The following SEM1 variants were observed in gnomAD, a reference collection of about 807,000 sequenced individuals.
SEM1 encodes the protein SEM1 26S proteasome subunit, also known as 26S proteasome complex subunit SEM1.
Under a neutral mutation model 12.7 loss-of-function variants are expected in SEM1, and 3 were observed. That is an observed-to-expected ratio of 0.24 (90% CI 0.11 to 0.61). SEM1 has a LOEUF of 0.61. Ranked by LOEUF, SEM1 falls within the 20% of genes least tolerant of loss-of-function variation. The pLI, the probability that SEM1 is intolerant of heterozygous loss-of-function variation, is 0.88. For missense variants in SEM1, 59 were observed against 81.3 expected, an observed-to-expected ratio of 0.73 and a Z score of 1.06; for synonymous variants, 30 against 27.8, an observed-to-expected ratio of 1.08 and a Z score of -0.25.
chr7:96,664,346 T>C (rs1466648572), intron 2 of SEM1: 1 of 152,238 alleles, frequency 6.6e-6, no homozygotes, highest in African/African-American at 2.4e-5. Flanking sequence ...TTTGAGGTTG[T>C]AGGACTGAGT....
intron 2 of SEM1, among the ~76,000 whole-genome samples, chr7:96,585,068 TC>T (rs771763998): frequency 9.2e-5 from 14 of 152,094 alleles, no homozygotes; most frequent in Non-Finnish European, 1.5e-4. Flanking sequence ...TTCCAGTTTT[TC>T]TGCTCTGTTT....
intron 2 of SEM1, chr7:96,673,882 G>C (rs1172386738): frequency 1.3e-6 from 1 of 763,896 alleles, no homozygotes; most frequent in East Asian, 2.4e-5. Flanking sequence ...CTTTGTGTAA[G>C]CAAACTTTTA....
chr7:96,616,129 A>G (rs915103849), intron 2 of SEM1, among the ~76,000 whole-genome samples: 1 of 152,112 alleles, frequency 6.6e-6, no homozygotes, highest in African/African-American at 2.4e-5. Context: ...ACTATTTTCC[A>G]TAGAGATTGT....
rs141603832 is a variant in SEM1, at chr7:96,563,804, A to T, written c.171-57106T>A. Among the ~76,000 whole-genome samples the T allele has an allele frequency of 5.5e-3, 836 of 152,260 alleles. 34 individuals carry two copies. Among genetic ancestry groups the T allele is most frequent in the Admixed American group, 0.047 (722 of 15,282 alleles). On this transcript the variant is annotated intron_variant and NMD_transcript_variant, in intron 2 of 3. Coordinates refer to the SEM1 transcript ENST00000466986. ...GAAAAAACTTCAAACAAAAATTCAA[A>T]CTGTTAATACTCACCTTCTTGTATA... is the stretch of plus-strand genomic sequence containing the variant.
At chr7:96,647,756 A>G (rs1316493446) in intron 2 of SEM1, among the ~76,000 whole-genome samples, 2 of 152,240 alleles carry the variant, frequency 1.3e-5, no homozygotes, top group Non-Finnish European at 2.9e-5. Flanking sequence ...ATAGCCAAAG[A>G]CAACCTGAAA....
intron 1 of SEM1, chr7:96,695,834 G>C (rs1301249518): frequency 1.3e-5 from 2 of 151,694 alleles, no homozygotes; most frequent in Non-Finnish European, 3.0e-5. Context: ...ATCTGCATTG[G>C]TCCCTAAAAA....
chr7:96,625,073 G>T (rs1808017170), intron 2 of SEM1, among the ~76,000 whole-genome samples: 1 of 152,078 alleles, frequency 6.6e-6, no homozygotes, highest in Non-Finnish European at 1.5e-5. Flanking sequence ...TGCTCATAAG[G>T]AGGTTGCTGC....
downstream of SEM1, among the ~76,000 whole-genome samples, chr7:96,685,384 T>A (rs1200424034): frequency 2.0e-5 from 3 of 152,038 alleles, no homozygotes; most frequent in Non-Finnish European, 4.4e-5. Context: ...ACAGAAACAT[T>A]TATGTCTGTA....
At chr7:96,650,654 A>G in intron 2 of SEM1, 1 of 633,152 alleles carries the variant, frequency 1.6e-6, no homozygotes, top group South Asian at 1.9e-5. Context: ...AAATTTAAAC[A>G]CAAACACACA....
intron 2 of SEM1, among the ~76,000 whole-genome samples, chr7:96,655,396 G>T (rs1199716459): frequency 4.0e-5 from 6 of 150,770 alleles, no homozygotes; most frequent in Admixed American, 4.0e-4. Context: ...TCATTTTTTT[G>T]AACAGCTCTA....
intron 2 of SEM1, among the ~76,000 whole-genome samples, chr7:96,538,301 T>G (rs1804851035): frequency 6.6e-6 from 1 of 151,860 alleles, no homozygotes; most frequent in Admixed American, 6.6e-5. Flanking sequence ...CTATGCCATG[T>G]CTGAGCCTAA....
chr7:96,561,913 G>A (rs567621576), intron 2 of SEM1, among the ~76,000 whole-genome samples: 1 of 152,284 alleles, frequency 6.6e-6, no homozygotes, highest in South Asian at 2.1e-4. Context: ...TATATCTAGA[G>A]TATTTGTGGT....
At chr7:96,512,643 C>A (rs1173444319) in intron 2 of SEM1, among the ~76,000 whole-genome samples, 1 of 152,128 alleles carries the variant, frequency 6.6e-6, no homozygotes, top group Non-Finnish European at 1.5e-5. Context: ...TGTATTATTT[C>A]TTGAACTGCT....
chr7:96,598,834 TA>T (rs375588939), intron 2 of SEM1, among the ~76,000 whole-genome samples: 2 of 152,330 alleles, frequency 1.3e-5, no homozygotes, highest in Admixed American at 1.3e-4. Flanking sequence ...AAAATTAGAT[TA>T]AAAAAATTTT....
intron 2 of SEM1, among the ~76,000 whole-genome samples, chr7:96,616,339 T>C (rs1005132122): frequency 1.3e-5 from 2 of 152,230 alleles, no homozygotes; most frequent in African/African-American, 4.8e-5. Context: ...TTGTGTGTCC[T>C]CTTTTGAAAA....
chr7:96,685,545 T>C (rs561099180), downstream of SEM1, among the ~76,000 whole-genome samples: 37 of 152,210 alleles, frequency 2.4e-4, no homozygotes, highest in South Asian at 8.3e-4. Context: ...GTCCCTTCCA[T>C]TGAAGACGTT....
intron 2 of SEM1, among the ~76,000 whole-genome samples, chr7:96,546,174 C>T (rs557052719): frequency 2.0e-5 from 3 of 152,128 alleles, no homozygotes; most frequent in East Asian, 1.9e-4. Flanking sequence ...TAAAGAGAAC[C>T]CAACAACTGC....
chr7:96,536,761 T>C (rs1416305581), intron 2 of SEM1, among the ~76,000 whole-genome samples: 3 of 151,820 alleles, frequency 2.0e-5, no homozygotes, highest in Non-Finnish European at 4.4e-5. Context: ...CAGTTAAATG[T>C]GGCATATCTT....
intron 2 of SEM1, among the ~76,000 whole-genome samples, chr7:96,604,643 G>A (rs2116206821): frequency 6.6e-6 from 1 of 152,168 alleles, no homozygotes; most frequent in Admixed American, 6.5e-5. Flanking sequence ...TCAGGGCCGG[G>A]TGTGGTGGCT....
Sources: allele counts gnomAD v4.1 joint callset (sites outside exome capture counted in the v4.1 genomes callset), GRCh38; gene constraint gnomAD v4.1.1; transcripts MANE v1.5; gene names NCBI Gene and HGNC (gene_info 2026-07-23, HGNC 2026-07-21).